Variants in CDK14 observed in about 807,000 individuals in gnomAD.
CDK14 encodes the protein cyclin-dependent kinase 14.
A neutral mutation model predicts 60.7 loss-of-function variants in CDK14; 34 were observed. The ratio of observed to expected loss-of-function variants is 0.56; its 90% confidence interval spans 0.43 to 0.75. The LOEUF (loss-of-function observed/expected upper bound fraction) is 0.75, where lower values mean the gene tolerates loss of function less well. CDK14 is among the 30% of genes least tolerant of loss of function. The pLI, the probability that CDK14 is intolerant of heterozygous loss-of-function variation, is 0.00. For missense variants in CDK14, 482 were observed against 564.1 expected (o/e 0.85, Z 1.47); for synonymous variants, 197 against 203.7 (o/e 0.97, Z 0.28).
At chr7:90,776,930 C>A (rs1025104410) in intron 4 of CDK14, among the ~76,000 whole-genome samples, 1 of 151,986 alleles carries the variant, frequency 6.6e-6, no homozygotes, top group Admixed American at 6.6e-5. Context: ...CCCTTGCACG[C>A]TCTTCTTGTT....
intron 14 of CDK14, among the ~76,000 whole-genome samples, chr7:91,122,664 C>T (rs1417380841): frequency 6.6e-6 from 1 of 152,214 alleles, no homozygotes; most frequent in Non-Finnish European, 1.5e-5. Flanking sequence ...CACTTCAGGG[C>T]TTCTGCTGAC....
At chr7:90,961,862 T>TA (rs1794613796) in intron 9 of CDK14, among the ~76,000 whole-genome samples, 1 of 152,236 alleles carries the variant, frequency 6.6e-6, no homozygotes, top group African/African-American at 2.4e-5. Flanking sequence ...CATTGAGAGT[T>TA]AATAATTCTG....
At chr7:90,890,668 G>A (rs1792090928) in intron 6 of CDK14, among the ~76,000 whole-genome samples, 1 of 152,158 alleles carries the variant, frequency 6.6e-6, no homozygotes, top group Admixed American at 6.5e-5. Flanking sequence ...CTTGTGGACT[G>A]CATATAAGAG....
At chr7:91,018,544 T>C (rs193230401) in intron 10 of CDK14, among the ~76,000 whole-genome samples, 2 of 152,336 alleles carry the variant, frequency 1.3e-5, no homozygotes, top group East Asian at 3.9e-4. Flanking sequence ...AGGGCATTGA[T>C]ATGGTTTGGC....
intron 2 of CDK14, among the ~76,000 whole-genome samples, chr7:90,658,939 T>G (rs1372333965): frequency 6.6e-6 from 1 of 152,182 alleles, no homozygotes; most frequent in Non-Finnish European, 1.5e-5. Flanking sequence ...TGTCTAGTAG[T>G]GAATTAGAGT....
chr7:91,000,188 A>G (rs113709307), intron 10 of CDK14, among the ~76,000 whole-genome samples: 2 of 152,174 alleles, frequency 1.3e-5, no homozygotes, highest in African/African-American at 4.8e-5. Context: ...TTGACTTACC[A>G]TCCCCTGTAG....
intron 10 of CDK14, among the ~76,000 whole-genome samples, chr7:91,023,000 C>T (rs938702402): frequency 8.0e-6 from 1 of 124,788 alleles, no homozygotes; most frequent in Non-Finnish European, 1.7e-5. Flanking sequence ...ATATTTCAAG[C>T]CTTTGAAGTA....
intron 6 of CDK14, among the ~76,000 whole-genome samples, chr7:90,891,492 A>G (rs1189206143): frequency 6.6e-6 from 1 of 152,226 alleles, no homozygotes; most frequent in East Asian, 1.9e-4. Flanking sequence ...GTCTTTCTGT[A>G]TCCTTATGCC....
chr7:90,869,929 A>C (rs968759226), intron 6 of CDK14, among the ~76,000 whole-genome samples: 4 of 152,150 alleles, frequency 2.6e-5, no homozygotes, highest in African/African-American at 2.4e-5. Flanking sequence ...ATCCTACATT[A>C]TCATTGCTTC....
intron 14 of CDK14, among the ~76,000 whole-genome samples, chr7:91,203,060 T>C (rs1021574646): frequency 3.3e-4 from 50 of 152,180 alleles, no homozygotes; most frequent in Admixed American, 2.7e-3. Context: ...ACATAGTTTA[T>C]TGTTACGTGA....
At chr7:90,630,378 A>G (rs1018388867) in intron 2 of CDK14, among the ~76,000 whole-genome samples, 24 of 152,330 alleles carry the variant, frequency 1.6e-4, no homozygotes, top group African/African-American at 5.5e-4. Context: ...TTGTAACACA[A>G]TGGTAAGTAC....
At chr7:90,685,624 G>T (rs1801414979) in intron 2 of CDK14, among the ~76,000 whole-genome samples, 1 of 149,438 alleles carries the variant, frequency 6.7e-6, no homozygotes, top group African/African-American at 2.5e-5. Context: ...GACTACAAGT[G>T]CATGCCATCT....
At chr7:90,609,245 G>A (rs764027007) in intron 2 of CDK14, among the ~76,000 whole-genome samples, 1 of 152,018 alleles carries the variant, frequency 6.6e-6, no homozygotes, top group Non-Finnish European at 1.5e-5. Context: ...TGCTGGTCTC[G>A]AACTCCTGGT....
intron 6 of CDK14, among the ~76,000 whole-genome samples, chr7:90,877,806 A>G (rs1250026114): frequency 1.3e-5 from 2 of 152,104 alleles, no homozygotes; most frequent in Admixed American, 1.3e-4. Flanking sequence ...AAAAGAAAGG[A>G]CCAGGGATCT....
chr7:91,085,923 G>A (rs892974800), intron 12 of CDK14, among the ~76,000 whole-genome samples: 1 of 152,226 alleles, frequency 6.6e-6, no homozygotes, highest in African/African-American at 2.4e-5. Flanking sequence ...AAATGCAGTA[G>A]CCATTAGGCC....
At chr7:90,857,891 G>A (rs913600688) in intron 5 of CDK14, among the ~76,000 whole-genome samples, 2 of 152,148 alleles carry the variant, frequency 1.3e-5, no homozygotes, top group Non-Finnish European at 2.9e-5. Flanking sequence ...CGTGATGTTG[G>A]TACATATCGT....
intron 2 of CDK14, among the ~76,000 whole-genome samples, chr7:90,607,978 G>A (rs113256054): frequency 6.6e-6 from 1 of 152,152 alleles, no homozygotes; most frequent in African/African-American, 2.4e-5. Flanking sequence ...CACAGTGAAG[G>A]GGCTACATAA....
Position 90,860,673 on chromosome 7 carries a change from G to C in CDK14, c.545-2502G>C, listed in dbSNP as rs556595524. 4.6e-5 allele frequency among the ~76,000 whole-genome samples: 7 copies of C among 151,954 alleles called. No individual in the cohort carries two copies. In the East Asian group the frequency reaches 1.4e-3, roughly 29 times the overall value. Reference sequence around the variant, plus strand: ...CCCAAGTAGCTGGGATTACAGGCACGTGCCACCACACCTAGCTAATTTTGT... The same window carrying C: ...CCCAAGTAGCTGGGATTACAGGCACCTGCCACCACACCTAGCTAATTTTGT... On this transcript the variant is annotated intron_variant, in intron 5 of 14. Transcript: ENST00000380050.
chr7:91,126,083 C>T (rs2116407034), intron 14 of CDK14, among the ~76,000 whole-genome samples: 1 of 152,268 alleles, frequency 6.6e-6, no homozygotes, highest in Admixed American at 6.5e-5. Context: ...GTCAACAAAT[C>T]TACTCCATAT....
Sources: allele counts gnomAD v4.1 joint callset (sites outside exome capture counted in the v4.1 genomes callset), GRCh38; gene constraint gnomAD v4.1.1; transcripts MANE v1.5; gene names NCBI Gene and HGNC (gene_info 2026-07-23, HGNC 2026-07-21).